Variants in NELL2 observed in about 807,000 individuals in gnomAD.
The protein encoded by NELL2 is neural EGFL like 2.
In NELL2, 41 loss-of-function variants were observed where a neutral mutation model predicts 109.6. That is an observed-to-expected ratio of 0.37 (90% CI 0.29 to 0.49). NELL2 has a LOEUF of 0.49. Ranked by LOEUF, NELL2 falls within the 20% of genes least tolerant of loss-of-function variation. The probability of loss-of-function intolerance (pLI) is 0.98; values close to 1 mark genes in which losing one functional copy is unlikely to be tolerated. For missense variants in NELL2, 900 were observed against 1,008.3 expected, an observed-to-expected ratio of 0.89 and a Z score of 1.45; for synonymous variants, 355 against 344.7, an observed-to-expected ratio of 1.03 and a Z score of -0.33.
chr12:44,813,466 T>G (rs1391817546), intron 3 of NELL2, among the ~76,000 whole-genome samples: 2 of 152,052 alleles, frequency 1.3e-5, no homozygotes, highest in African/African-American at 4.8e-5. Context: ...ATAGACTGAA[T>G]AAGTAAAACA....
At position 44,893,252 on chromosome 12, in the gene NELL2, C is replaced by A. The variant is rs556110204; in HGVS notation, c.39-17352G>T. ...GAACTCCAATCTCTGACTCCAACAC[C>A]CAAATTCTTAATCAGTTCTTTCTAT... On this transcript the variant is annotated intron_variant, in intron 1 of 20. Coordinates refer to the NELL2 transcript ENST00000333837. Among the ~76,000 whole-genome samples, 151 of 152,200 alleles carry A rather than the reference C, an allele frequency of 9.9e-4. 1 individual carries two copies. Among genetic ancestry groups the A allele is most frequent in the Admixed American group, 9.9e-3 (151 of 15,292 alleles).
At position 44,756,311 on chromosome 12, in the gene NELL2, A is replaced by C. The variant is rs138258502; in HGVS notation, c.994+18436T>G. 7.2e-4 allele frequency among the ~76,000 whole-genome samples: 109 copies of C among 151,704 alleles called. 1 individual carries two copies. Among genetic ancestry groups the C allele is most frequent in the African/African-American group, 2.3e-3 (93 of 41,328 alleles). ...ATGTTCAACCTTTCTCTCTCTCCTT[A>C]TCTCTCATTTTCTCTCTCTTTTTCT... On this transcript the variant is annotated intron_variant, in intron 9 of 19. Coordinates refer to ENST00000429094, the MANE Select transcript of NELL2 (RefSeq NM_001145108.2).
At chr12:44,746,792 A>G (rs1241960476) in intron 9 of NELL2, among the ~76,000 whole-genome samples, 3 of 152,280 alleles carry the variant, frequency 2.0e-5, no homozygotes, top group East Asian at 1.9e-4. Context: ...TAAAAAGTCA[A>G]GAAACAACAG....
chr12:44,517,784 G>A (rs2138973258), intron 19 of NELL2, among the ~76,000 whole-genome samples: 1 of 152,262 alleles, frequency 6.6e-6, no homozygotes, highest in Admixed American at 6.5e-5. Context: ...AAGGGTGACT[G>A]TGTCTGGTTT....
chr12:44,573,363 A>G (rs1223962250), intron 15 of NELL2, among the ~76,000 whole-genome samples: 1 of 152,230 alleles, frequency 6.6e-6, no homozygotes, highest in East Asian at 1.9e-4. Flanking sequence ...AAAACAATAG[A>G]AGACAATCAA....
chr12:44,880,132 CACACACACAG>C (rs1712853573), upstream of NELL2, among the ~76,000 whole-genome samples: 2 of 141,132 alleles, frequency 1.4e-5, no homozygotes, highest in South Asian at 2.7e-4. Flanking sequence ...CACACACACA[CACACACACAG>C]AGAGAGAGAG....
chr12:44,553,297 A>AAT (rs1555175123), intron 15 of NELL2, among the ~76,000 whole-genome samples: 68 of 151,528 alleles, frequency 4.5e-4, no homozygotes, highest in Admixed American at 9.9e-4. Context: ...AAAAAAAAAA[A>AAT]AATAAGTCTC....
chr12:44,870,640 T>G (rs1945135163), intron 2 of NELL2, among the ~76,000 whole-genome samples: 1 of 152,166 alleles, frequency 6.6e-6, no homozygotes, highest in South Asian at 2.1e-4. Flanking sequence ...AAAAACTGCC[T>G]GCAGTCCTTG....
chr12:44,519,959 G>T, intron 19 of NELL2, 46 bp downstream of exon 19: 1 of 1,518,024 alleles, frequency 6.6e-7, no homozygotes, highest in Non-Finnish European at 9.1e-7. Flanking sequence ...ATGAGCCCTG[G>T]GTGCAGCTGG....
At chr12:44,610,632 A>G (rs1945584328) in intron 14 of NELL2, among the ~76,000 whole-genome samples, 1 of 152,054 alleles carries the variant, frequency 6.6e-6, no homozygotes, top group Non-Finnish European at 1.5e-5. Context: ...AAGGAACATT[A>G]GGTCAAAGGA....
At chr12:44,754,937 A>G (rs1940817953) in intron 9 of NELL2, among the ~76,000 whole-genome samples, 1 of 152,174 alleles carries the variant, frequency 6.6e-6, no homozygotes, top group African/African-American at 2.4e-5. Context: ...AAACTCAAAT[A>G]TCTCTTGCTT....
At chr12:44,694,360 C>A (rs2136401624) in intron 12 of NELL2, among the ~76,000 whole-genome samples, 1 of 152,232 alleles carries the variant, frequency 6.6e-6, no homozygotes, top group African/African-American at 2.4e-5. Flanking sequence ...GTCTCCAAAT[C>A]TCGGGCCTTT....
At chr12:44,683,016 G>C (rs1592326101) in intron 12 of NELL2, among the ~76,000 whole-genome samples, 1 of 152,088 alleles carries the variant, frequency 6.6e-6, no homozygotes, top group Admixed American at 6.5e-5. Flanking sequence ...GGGCAGTATG[G>C]CCATTTTCAT....
chr12:44,547,012 C>CT (rs140709282), intron 15 of NELL2, among the ~76,000 whole-genome samples: 2,192 of 152,002 alleles, frequency 0.014, 41 homozygotes, highest in African/African-American at 0.049. Context: ...ACACACAAAC[C>CT]TTTTTTTTAA....
rs142254884 is a variant in NELL2, at chr12:44,856,205, G to A, written c.184+19020C>T. Among the ~76,000 whole-genome samples, 438 of 152,258 alleles carry A rather than the reference G, an allele frequency of 2.9e-3. 2 individuals carry two copies. Among genetic ancestry groups the A allele is most frequent in the African/African-American group, 9.9e-3 (413 of 41,560 alleles). On this transcript the variant is annotated intron_variant, in intron 2 of 19. Transcript: ENST00000429094. Reference sequence around the variant, plus strand: ...AGCATATTAATCTAACAAATATATAGAGATGCTCCCCATCTTCTAAAACAT... The same window carrying A: ...AGCATATTAATCTAACAAATATATAAAGATGCTCCCCATCTTCTAAAACAT...
intron 9 of NELL2, among the ~76,000 whole-genome samples, chr12:44,763,231 C>G (rs1448390356): frequency 6.6e-6 from 1 of 152,122 alleles, no homozygotes; most frequent in Admixed American, 6.6e-5. Context: ...ATAAAAGTGA[C>G]CTTTCTGAGA....
intron 14 of NELL2, among the ~76,000 whole-genome samples, chr12:44,610,046 C>T (rs375864880): frequency 3.3e-5 from 5 of 151,672 alleles, no homozygotes; most frequent in Admixed American, 6.6e-5. Flanking sequence ...GGGGAAAAGG[C>T]GAGTTAATGG....
upstream of NELL2, among the ~76,000 whole-genome samples, chr12:44,877,595 G>A (rs987358279): frequency 7.2e-5 from 11 of 152,252 alleles, no homozygotes; most frequent in Admixed American, 2.6e-4. Context: ...CAAGGCAGGA[G>A]TATAATATAC....
At chr12:44,870,028 T>C (rs1237322502) in intron 2 of NELL2, among the ~76,000 whole-genome samples, 1 of 152,186 alleles carries the variant, frequency 6.6e-6, no homozygotes, top group Non-Finnish European at 1.5e-5. Flanking sequence ...CAAGTTTTGC[T>C]TTCCACATAA....
Sources: gnomAD v4.1 joint callset for allele counts (sites outside exome capture counted in the v4.1 genomes callset) on GRCh38, gnomAD v4.1.1 for gene constraint, MANE v1.5 for transcripts, NCBI Gene and HGNC (gene_info 2026-07-23, HGNC 2026-07-21) for gene names.